Variants in PPP2R2A observed in about 807,000 individuals in gnomAD.
PPP2R2A encodes the protein serine/threonine-protein phosphatase 2A 55 kDa regulatory subunit B alpha isoform.
PPP2R2A carries 9 observed loss-of-function variants against 53.2 expected under a neutral mutation model. The observed-to-expected ratio is 0.17, with a 90% CI of 0.10 to 0.30. PPP2R2A has a LOEUF of 0.30. PPP2R2A is among the 10% of genes least tolerant of loss of function. PPP2R2A has a pLI of 1.00. For missense variants in PPP2R2A, 235 were observed against 534.6 expected (o/e 0.44, Z 5.53); for synonymous variants, 169 against 174.2 (o/e 0.97, Z 0.23).
chr8:26,349,748 CTTA>C (rs1804399568), intron 3 of PPP2R2A, among the ~76,000 whole-genome samples: 1 of 152,094 alleles, frequency 6.6e-6, no homozygotes, highest in Admixed American at 6.5e-5. Context: ...ATGAGCCTGT[CTTA>C]TTAATGATTA....
chr8:26,311,858 A>C (rs1802306865), intron 2 of PPP2R2A, among the ~76,000 whole-genome samples: 1 of 152,060 alleles, frequency 6.6e-6, no homozygotes, highest in African/African-American at 2.4e-5. Flanking sequence ...TAGAACATGC[A>C]GGAGGGTCCA....
At chr8:26,311,758 C>T (rs565718425) in intron 2 of PPP2R2A, among the ~76,000 whole-genome samples, 14 of 152,138 alleles carry the variant, frequency 9.2e-5, no homozygotes, top group African/African-American at 3.4e-4. Flanking sequence ...CCTTTTTTCT[C>T]CAGTTCCTCC....
chr8:26,291,960 A>G, intron 1 of PPP2R2A, 134 bp downstream of exon 1: 2 of 304,602 alleles, frequency 6.6e-6, no homozygotes, highest in Non-Finnish European at 6.0e-6. Context: ...TAGGGTCCAG[A>G]GGGGTGGGGT....
chr8:26,329,973 AC>A (rs1284389557), intron 2 of PPP2R2A, among the ~76,000 whole-genome samples: 2 of 152,182 alleles, frequency 1.3e-5, no homozygotes, highest in African/African-American at 4.8e-5. Flanking sequence ...TACTCTGCAT[AC>A]AGTGTCATCA....
chr8:26,349,393 A>G (rs969881023), intron 3 of PPP2R2A, among the ~76,000 whole-genome samples: 1 of 152,186 alleles, frequency 6.6e-6, no homozygotes, highest in Non-Finnish European at 1.5e-5. Context: ...TGTTGGAACC[A>G]TTGATTGGGT....
At chr8:26,311,142 A>G (rs1369873077) in intron 2 of PPP2R2A, among the ~76,000 whole-genome samples, 2 of 152,220 alleles carry the variant, frequency 1.3e-5, no homozygotes, top group Admixed American at 6.5e-5. Context: ...GTAAATGGGA[A>G]TAATAGTACT....
intron 3 of PPP2R2A, among the ~76,000 whole-genome samples, chr8:26,348,331 C>T (rs1180225303): frequency 1.3e-5 from 2 of 152,142 alleles, no homozygotes; most frequent in African/African-American, 4.8e-5. Flanking sequence ...TTGAGCATTC[C>T]TAACCCAAAA....
At chr8:26,298,432 C>T (rs1278837416) in intron 2 of PPP2R2A, 3 of 152,116 alleles carry the variant, frequency 2.0e-5, no homozygotes, top group Non-Finnish European at 4.4e-5. Context: ...TGACTTGCTC[C>T]TCTAGTAGAT....
intron 3 of PPP2R2A, among the ~76,000 whole-genome samples, chr8:26,340,813 AATAC>A: frequency 6.6e-6 from 1 of 152,248 alleles, no homozygotes; most frequent in East Asian, 1.9e-4. Context: ...GGCTGTTAGT[AATAC>A]ATTAATTTGT....
chr8:26,300,098 A>G (rs930357827), intron 2 of PPP2R2A, among the ~76,000 whole-genome samples: 16 of 152,222 alleles, frequency 1.1e-4, no homozygotes, highest in Middle Eastern at 3.2e-3. Flanking sequence ...TTGTTTTAAA[A>G]TACTAAGTTT....
intron 3 of PPP2R2A, among the ~76,000 whole-genome samples, chr8:26,346,868 A>G (rs1362984587): frequency 6.6e-6 from 1 of 152,206 alleles, no homozygotes; most frequent in African/African-American, 2.4e-5. Flanking sequence ...AGACTATCTG[A>G]TCCGATCTTA....
chr8:26,313,235 A>G (rs775519307), intron 2 of PPP2R2A, among the ~76,000 whole-genome samples: 6 of 151,994 alleles, frequency 3.9e-5, no homozygotes, highest in South Asian at 2.1e-4. Context: ...TGGTTTCACT[A>G]TGTTGGCCAG....
At chr8:26,340,411 C>T (rs558977585) in intron 3 of PPP2R2A, among the ~76,000 whole-genome samples, 2 of 151,994 alleles carry the variant, frequency 1.3e-5, no homozygotes, top group African/African-American at 4.8e-5. Flanking sequence ...GCAGACCTTC[C>T]CATAGGTGTT....
intron 2 of PPP2R2A, among the ~76,000 whole-genome samples, chr8:26,302,691 T>G (rs1038142854): frequency 2.0e-5 from 3 of 152,248 alleles, no homozygotes; most frequent in Non-Finnish European, 1.5e-5. Context: ...CTTCATATAT[T>G]TAACTGACAG....
intron 2 of PPP2R2A, among the ~76,000 whole-genome samples, chr8:26,316,975 C>T (rs755222371): frequency 3.3e-5 from 5 of 152,134 alleles, no homozygotes; most frequent in Non-Finnish European, 7.4e-5. Context: ...ACTAAAATAC[C>T]AGTTTTCCAT....
chr8:26,337,378 G>C (rs1325620646), intron 2 of PPP2R2A, among the ~76,000 whole-genome samples: 1 of 152,156 alleles, frequency 6.6e-6, no homozygotes, highest in African/African-American at 2.4e-5. Context: ...GACTCTGTAT[G>C]TTTGTATTAT....
intron 2 of PPP2R2A, among the ~76,000 whole-genome samples, chr8:26,320,251 G>C (rs1802768145): frequency 6.6e-6 from 1 of 152,164 alleles, no homozygotes; most frequent in Non-Finnish European, 1.5e-5. Context: ...ATCAGCAGAA[G>C]ACGAAAAAGC....
chr8:26,355,636 G>A (rs1186546493), intron 4 of PPP2R2A, among the ~76,000 whole-genome samples: 5 of 152,200 alleles, frequency 3.3e-5, no homozygotes, highest in East Asian at 1.9e-4. Context: ...AGGCTGAGGC[G>A]GGTGGATCAC....
chr8:26,353,421 C>T (rs190787040), intron 3 of PPP2R2A, among the ~76,000 whole-genome samples: 1 of 152,266 alleles, frequency 6.6e-6, no homozygotes, highest in Non-Finnish European at 1.5e-5. Context: ...GTGAAGTTTC[C>T]TTTTGATATG....
Sources: allele counts gnomAD v4.1 joint callset (sites outside exome capture counted in the v4.1 genomes callset), GRCh38; gene constraint gnomAD v4.1.1; transcripts MANE v1.5; gene names NCBI Gene and HGNC (gene_info 2026-07-23, HGNC 2026-07-21).